PDE4D: variants seen among roughly 807,000 people sequenced by gnomAD.
The protein encoded by PDE4D is phosphodiesterase 4D, also known as 3',5'-cyclic-AMP phosphodiesterase 4D.
Under a neutral mutation model 87.4 loss-of-function variants are expected in PDE4D, and 24 were observed. The observed-to-expected ratio is 0.27, with a 90% confidence interval of 0.20 to 0.39. The LOEUF (loss-of-function observed/expected upper bound fraction) is 0.39, where lower values mean the gene tolerates loss of function less well. Ranked by LOEUF, PDE4D falls within the 10% of genes least tolerant of loss-of-function variation. PDE4D has a pLI of 1.00. For synonymous variants in PDE4D, 384 were observed against 383.2 expected (o/e 1.00, Z -0.02); for missense variants, 714 against 1,041.0 (o/e 0.69, Z 4.32).
chr5:59,293,853 A>T (rs1375668202), intron 1 of PDE4D, among the ~76,000 whole-genome samples: 1 of 152,156 alleles, frequency 6.6e-6, no homozygotes, highest in Non-Finnish European at 1.5e-5. Context: ...ATCTGGCTGC[A>T]GGGTCACCTG....
intron 1 of PDE4D, among the ~76,000 whole-genome samples, chr5:60,242,546 A>G (rs1349656114): frequency 2.0e-5 from 3 of 152,160 alleles, no homozygotes; most frequent in African/African-American, 7.2e-5. Context: ...TTTCCTCAGC[A>G]CATGGATCAT....
intron 1 of PDE4D, among the ~76,000 whole-genome samples, chr5:59,783,827 G>A (rs891828649): frequency 3.9e-5 from 6 of 152,158 alleles, no homozygotes; most frequent in Non-Finnish European, 8.8e-5. Flanking sequence ...AGCACTTTGG[G>A]AGGCCAAGGC....
At chr5:59,063,091 T>C (rs1414654416) in intron 5 of PDE4D, 2 of 152,186 alleles carry the variant, frequency 1.3e-5, no homozygotes, top group South Asian at 4.1e-4. Flanking sequence ...TCAGATTTGA[T>C]TGAAAATGGC....
intron 1 of PDE4D, chr5:59,768,120 T>C (rs532114882): frequency 7.1e-5 from 84 of 1,177,788 alleles, no homozygotes; most frequent in Non-Finnish European, 8.9e-5. Context: ...GGGAGATCAC[T>C]TGGCCATAAA....
chr5:59,417,939 A>G (rs193199217), intron 1 of PDE4D, among the ~76,000 whole-genome samples: 2 of 152,202 alleles, frequency 1.3e-5, no homozygotes, highest in African/African-American at 4.8e-5. Flanking sequence ...AACAACAACA[A>G]TAACAACAAA....
At chr5:59,022,770 G>A (rs1310376256) in intron 6 of PDE4D, among the ~76,000 whole-genome samples, 2 of 152,188 alleles carry the variant, frequency 1.3e-5, no homozygotes, top group Non-Finnish European at 2.9e-5. Context: ...GCAAAACGAG[G>A]TACTGTAGGA....
At chr5:60,358,268 G>T (rs1759780330) in intron 1 of PDE4D, among the ~76,000 whole-genome samples, 1 of 152,170 alleles carries the variant, frequency 6.6e-6, no homozygotes, top group Admixed American at 6.5e-5. Context: ...TATAGAGATA[G>T]ATGCTCATAC....
intron 5 of PDE4D, among the ~76,000 whole-genome samples, chr5:59,117,782 C>A (rs1773847266): frequency 6.7e-6 from 1 of 148,716 alleles, no homozygotes; most frequent in Non-Finnish European, 1.5e-5. Context: ...TGGCCATAGA[C>A]AAACACTGCA....
At chr5:60,019,211 C>A (rs1200184311) in intron 2 of PDE4D, among the ~76,000 whole-genome samples, 2 of 152,176 alleles carry the variant, frequency 1.3e-5, no homozygotes, top group Non-Finnish European at 2.9e-5. Flanking sequence ...GGAAACTGAA[C>A]AACCTGCTCC....
intron 1 of PDE4D, among the ~76,000 whole-genome samples, chr5:59,411,239 C>T (rs1278498417): frequency 6.6e-6 from 1 of 152,162 alleles, no homozygotes; most frequent in Non-Finnish European, 1.5e-5. Context: ...TTGTAATTAG[C>T]ATTCTCAACT....
rs527466502 is a variant in PDE4D, at chr5:60,396,571, A to C, written c.-90+91371T>G. Among the ~76,000 whole-genome samples, 5 of 152,092 alleles carry C rather than the reference A, an allele frequency of 3.3e-5. No individual in the cohort carries two copies. The South Asian group carries it at 8.3e-4, about 25-fold the overall frequency. ...TGCTCTGTTGTCGAGGCTAGAGTGC[A>C]GTAGTGTGATCATAGTTCACTGCAG... On this transcript the variant is annotated intron_variant, in intron 1 of 16. Transcript: ENST00000502484.
At chr5:59,031,373 AT>A (rs1757372960) in intron 6 of PDE4D, among the ~76,000 whole-genome samples, 1 of 25,742 alleles carries the variant, frequency 3.9e-5, no homozygotes, top group Non-Finnish European at 1.0e-4. Flanking sequence ...ATATATATAT[AT>A]ATATATATAT....
intron 1 of PDE4D, among the ~76,000 whole-genome samples, chr5:60,505,558 G>T (rs1174799521): frequency 3.9e-5 from 6 of 152,130 alleles, no homozygotes; most frequent in African/African-American, 7.2e-5. Context: ...AGTGTTATTT[G>T]CCTGGTTCTT....
intron 3 of PDE4D, among the ~76,000 whole-genome samples, chr5:59,926,905 AG>A (rs777762376): frequency 5.9e-5 from 9 of 152,220 alleles, no homozygotes; most frequent in Non-Finnish European, 1.2e-4. Context: ...AGAAAAGCCC[AG>A]GATCTGATGG....
intron 5 of PDE4D, chr5:59,039,431 C>T (rs1344228762): frequency 1.0e-6 from 1 of 992,916 alleles, no homozygotes; most frequent in African/African-American, 1.7e-5. Context: ...GAGCCGCGGC[C>T]CCACGCCCGC....
At chr5:59,496,820 G>A (rs1308536753) in intron 1 of PDE4D, among the ~76,000 whole-genome samples, 1 of 152,094 alleles carries the variant, frequency 6.6e-6, no homozygotes, top group African/African-American at 2.4e-5. Context: ...CAGCGGAACC[G>A]AGAGAGTGTG....
intron 1 of PDE4D, among the ~76,000 whole-genome samples, chr5:59,637,938 A>G (rs1740872279): frequency 6.6e-6 from 1 of 152,212 alleles, no homozygotes; most frequent in South Asian, 2.1e-4. Context: ...GAATATGGCA[A>G]GTAGCTAGGG....
chr5:60,075,469 C>T (rs796501162), intron 2 of PDE4D, among the ~76,000 whole-genome samples: 12 of 152,248 alleles, frequency 7.9e-5, no homozygotes, highest in African/African-American at 2.9e-4. Flanking sequence ...CTTGGAGAAT[C>T]TGATGATTGT....
chr5:59,776,532 A>G (rs1764092891), intron 1 of PDE4D, among the ~76,000 whole-genome samples: 1 of 152,210 alleles, frequency 6.6e-6, no homozygotes, highest in South Asian at 2.1e-4. Flanking sequence ...TAGGTGCTTT[A>G]CTGATGCTTT....
Sources: allele counts gnomAD v4.1 joint callset (sites outside exome capture counted in the v4.1 genomes callset), GRCh38; gene constraint gnomAD v4.1.1; transcripts MANE v1.5; gene names NCBI Gene and HGNC (gene_info 2026-07-23, HGNC 2026-07-21).